The following DCBLD2 variants were observed in gnomAD, a reference collection of about 807,000 sequenced individuals.
DCBLD2 encodes the protein discoidin, CUB and LCCL domain-containing protein 2.
In DCBLD2, 54 loss-of-function variants were observed where a neutral mutation model predicts 86.8. That is an observed-to-expected ratio of 0.62 (90% CI 0.50 to 0.78). The LOEUF is 0.78. Ranked by LOEUF, DCBLD2 falls within the 30% of genes least tolerant of loss-of-function variation. The pLI is 0.00. For missense variants in DCBLD2, 908 were observed against 954.2 expected, an observed-to-expected ratio of 0.95 and a Z score of 0.64; for synonymous variants, 354 against 341.3, an observed-to-expected ratio of 1.04 and a Z score of -0.41.
chr3:98,828,277 A>G (rs1313982713), intron 3 of DCBLD2, among the ~76,000 whole-genome samples: 3 of 152,220 alleles, frequency 2.0e-5, no homozygotes, highest in Admixed American at 6.5e-5. Context: ...TGGCACACAG[A>G]ATGGGAGAAA....
chr3:98,888,970 C>A (rs1020462925), intron 1 of DCBLD2, among the ~76,000 whole-genome samples: 2 of 151,976 alleles, frequency 1.3e-5, no homozygotes, highest in African/African-American at 2.4e-5. Flanking sequence ...CTCTCTTACA[C>A]CCACTGCATA....
chr3:98,834,773 C>G (rs1942398134), intron 3 of DCBLD2, among the ~76,000 whole-genome samples: 1 of 152,194 alleles, frequency 6.6e-6, no homozygotes, highest in African/African-American at 2.4e-5. Flanking sequence ...GTGCAGATAT[C>G]TTTTCCATAT....
At chr3:98,867,359 T>C (rs1228484936) in intron 2 of DCBLD2, among the ~76,000 whole-genome samples, 1 of 152,214 alleles carries the variant, frequency 6.6e-6, no homozygotes, top group Non-Finnish European at 1.5e-5. Context: ...TTCTTCCATT[T>C]GTGTCCTCTT....
intron 3 of DCBLD2, among the ~76,000 whole-genome samples, chr3:98,827,995 C>T (rs1415146540): frequency 6.6e-6 from 1 of 152,154 alleles, no homozygotes; most frequent in Non-Finnish European, 1.5e-5. Flanking sequence ...ATCTTTTAGA[C>T]AAATGATGCT....
intron 2 of DCBLD2, among the ~76,000 whole-genome samples, chr3:98,858,229 G>A (rs933331627): frequency 1.3e-5 from 2 of 152,216 alleles, no homozygotes; most frequent in African/African-American, 4.8e-5. Flanking sequence ...TGTGGGGCCT[G>A]CCGAGCCCAC....
Position 98,799,436 on chromosome 3 carries a change from C to T in DCBLD2, c.2264G>A (p.Ser755Asn). 1.2e-6 allele frequency: 2 copies of T among 1,613,958 alleles called. No individual in the cohort carries two copies. Among genetic ancestry groups the T allele is most frequent in the South Asian group, 1.1e-5 (1 of 91,074 alleles). The part of the protein sequence containing the change: ...PDELVYQVPQ[S>N]TQEVSGAGRD... ...TCCTGCTCCTGATACTTCTTGTGTGCTCTGTGGCACCTGGTACACCAATTC... is the reference window on the plus strand; with the variant it reads ...TCCTGCTCCTGATACTTCTTGTGTGTTCTGTGGCACCTGGTACACCAATTC... Residue 755 changes from serine to asparagine, a missense_variant, in exon 16 of 16, where the codon AGC becomes AAC. Around this residue, in one of 3 missense-constraint regions of DCBLD2, gnomAD observed 606 missense variants for 678.5 expected, o/e 0.89. Transcript: ENST00000326840.
At chr3:98,814,701 A>G (rs569516483) in intron 9 of DCBLD2, 1 of 152,348 alleles carries the variant, frequency 6.6e-6, no homozygotes, top group South Asian at 2.1e-4. Context: ...GGTAAAATGA[A>G]TACACCAATT....
chr3:98,822,133 G>C, intron 6 of DCBLD2, 95 bp downstream of exon 6: 1 of 1,396,120 alleles, frequency 7.2e-7, no homozygotes, highest in Non-Finnish European at 1.0e-6. Flanking sequence ...ACCATTAACA[G>C]TGATACTGCT....
At chr3:98,863,676 C>T (rs1465522046) in intron 2 of DCBLD2, among the ~76,000 whole-genome samples, 1 of 152,192 alleles carries the variant, frequency 6.6e-6, no homozygotes, top group Non-Finnish European at 1.5e-5. Flanking sequence ...AAAGCTGAAA[C>T]TGGATCCCTT....
At chr3:98,853,875 G>C (rs991608292) in intron 2 of DCBLD2, among the ~76,000 whole-genome samples, 2 of 152,236 alleles carry the variant, frequency 1.3e-5, no homozygotes, top group African/African-American at 4.8e-5. Context: ...AGAGGGTAGA[G>C]AGTTACTTGC....
intron 3 of DCBLD2, among the ~76,000 whole-genome samples, chr3:98,838,919 G>A (rs1020742410): frequency 4.0e-5 from 6 of 151,656 alleles, no homozygotes; most frequent in South Asian, 2.1e-4. Context: ...GCCTGCAATC[G>A]CAGGCATTCG....
chr3:98,879,754 CT>C (rs1242897364), intron 2 of DCBLD2, among the ~76,000 whole-genome samples: 1 of 152,114 alleles, frequency 6.6e-6, no homozygotes, highest in Admixed American at 6.6e-5. Flanking sequence ...TACCTTCCCC[CT>C]CCTCCTATTT....
intron 2 of DCBLD2, among the ~76,000 whole-genome samples, chr3:98,859,245 A>G (rs944315530): frequency 6.6e-6 from 1 of 152,200 alleles, no homozygotes; most frequent in Non-Finnish European, 1.5e-5. Flanking sequence ...AACTGGGTGG[A>G]GCCCAACGCA....
Position 98,799,003 on chromosome 3 carries a change from G to A in DCBLD2, c.*369C>T, listed in dbSNP as rs901279950. The A allele has an allele frequency of 3.3e-5, 6 of 182,948 alleles. No individual in the cohort carries two copies. Among genetic ancestry groups the A allele is most frequent in the East Asian group, 3.0e-4 (2 of 6,736 alleles). The allele number at this position is 182,948 out of a possible 1,614,324, so 11.3% of individuals were successfully genotyped here. On this transcript the variant is annotated 3_prime_UTR_variant, in exon 16 of 16. Coordinates refer to ENST00000326840, the MANE Select transcript of DCBLD2 (RefSeq NM_080927.4). ...AGGTATTTCAAGAACAGTACCGTGC[G>A]TTATTGCCAGTCAGGCTTACAGAGC...
At chr3:98,824,032 T>C (rs1268924310) in intron 4 of DCBLD2, among the ~76,000 whole-genome samples, 2 of 152,062 alleles carry the variant, frequency 1.3e-5, no homozygotes, top group Non-Finnish European at 2.9e-5. Flanking sequence ...CAGGATGGCC[T>C]AGTGTGTGTC....
chr3:98,805,352 CAT>C (rs912770285), intron 13 of DCBLD2, among the ~76,000 whole-genome samples: 1 of 152,202 alleles, frequency 6.6e-6, no homozygotes, highest in East Asian at 1.9e-4. Flanking sequence ...CTAATCATCA[CAT>C]GATTTAGAAA....
intron 12 of DCBLD2, among the ~76,000 whole-genome samples, chr3:98,809,292 G>C (rs1009529574): frequency 5.3e-5 from 8 of 151,998 alleles, no homozygotes; most frequent in African/African-American, 1.9e-4. Flanking sequence ...GATATTTACT[G>C]GGGGCTCAGA....
At chr3:98,888,420 A>G (rs1384327434) in intron 1 of DCBLD2, among the ~76,000 whole-genome samples, 3 of 152,028 alleles carry the variant, frequency 2.0e-5, no homozygotes, top group Non-Finnish European at 2.9e-5. Context: ...CATACAATCA[A>G]TTTAAATGTC....
intron 2 of DCBLD2, among the ~76,000 whole-genome samples, chr3:98,875,363 A>C (rs1489307782): frequency 6.6e-6 from 1 of 152,218 alleles, no homozygotes; most frequent in Non-Finnish European, 1.5e-5. Context: ...AAAAATGTGT[A>C]AACCCTACAT....
Sources: gnomAD v4.1 joint callset for allele counts (sites outside exome capture counted in the v4.1 genomes callset) on GRCh38, gnomAD v4.1.1 for gene constraint, gnomAD v4.1.1 regional missense constraint, MANE v1.5 for transcripts, NCBI Gene and HGNC (gene_info 2026-07-23, HGNC 2026-07-21) for gene names.